CXCL16: variants seen among roughly 807,000 people sequenced by gnomAD.
CXCL16 encodes the protein C-X-C motif chemokine ligand 16.
In CXCL16, 18 loss-of-function variants were observed where a neutral mutation model predicts 23.8. The observed-to-expected ratio is 0.76, with a 90% CI of 0.52 to 1.12. CXCL16 has a LOEUF of 1.12. Among genes scored for constraint, CXCL16 ranks in the 50% most tolerant of loss-of-function variants. CXCL16 has a pLI of 0.00. For synonymous variants in CXCL16, 123 were observed against 132.5 expected (o/e 0.93, Z 0.49); for missense variants, 297 against 315.4 (o/e 0.94, Z 0.44).
Position 4,739,495 on chromosome 17 carries a change from G to C in CXCL16, c.-156C>G. Reference sequence around the variant, plus strand: ...GAGGCGCGAGCCAGCTGCACCCCCCGGCCCTGCTGTGCCCCGACCGTGCGC... The same window carrying C: ...GAGGCGCGAGCCAGCTGCACCCCCCCGCCCTGCTGTGCCCCGACCGTGCGC... On this transcript the variant is annotated 5_prime_UTR_variant, in exon 1 of 6. Transcript: ENST00000293778. The surrounding 1 kb of genome is among the most constrained non-coding windows in gnomAD (Gnocchi z 5.3). 9.2e-7 allele frequency: 1 copy of C among 1,087,774 alleles called. No individual in the cohort carries two copies. Among genetic ancestry groups the C allele is most frequent in the Non-Finnish European group, 1.3e-6 (1 of 748,304 alleles). 67.4% of individuals were successfully genotyped at this position (1,087,774 alleles called of 1,614,324 possible).
rs533130643 is a variant in CXCL16 at position 4,734,390 on chromosome 17, G to A, written c.*113C>T. 26 of 465,558 alleles carry A rather than the reference G, an allele frequency of 5.6e-5. No individual in the cohort carries two copies. The highest frequency in any genetic ancestry group is 3.9e-4 in the South Asian group (18 of 46,440). 28.8% of individuals were successfully genotyped at this position (465,558 alleles called of 1,614,324 possible). A position where few individuals can be genotyped will look rare whatever the true frequency, so the allele number is the denominator to read the frequency against. ...GTGTAGGCTGGATGTGGTAGGTGAC[G>A]CCTATAATCCTCGCACCTTCAGAGG... On this transcript the variant is annotated 3_prime_UTR_variant, in exon 6 of 6. Transcript: ENST00000293778.
At chr17:4,736,268 A>AGAAG (rs67150096) in intron 3 of CXCL16, 1 of 224 alleles carries the variant, frequency 4.5e-3, no homozygotes, top group Non-Finnish European at 0.017. Flanking sequence ...ACAGAAAAAC[A>AGAAG]GAGCAGAGTG....
In CXCL16 at chr17:4,738,748, C is replaced by G. The variant is rs1916240482; in HGVS notation, c.218+34G>C. 1.2e-6 allele frequency: 2 copies of G among 1,609,826 alleles called. No homozygotes were observed. Among genetic ancestry groups the G allele is most frequent in the African/African-American group, 1.3e-5 (1 of 74,786 alleles). On this transcript the variant is annotated intron_variant, in intron 2 of 5. Coordinates refer to ENST00000293778, the MANE Select transcript of CXCL16 (RefSeq NM_001386809.1). The surrounding 1 kb of genome is among the most constrained non-coding windows in gnomAD (Gnocchi z 4.0). ...GAGGCACCTGCAAGGAGGGGCCGCCCAGGCGCTGCCCTCGCAGAGGCAGGT... is the reference window on the plus strand; with the variant it reads ...GAGGCACCTGCAAGGAGGGGCCGCCGAGGCGCTGCCCTCGCAGAGGCAGGT...
At position 4,739,598 on chromosome 17, in the gene CXCL16, C is replaced by G. The variant is rs1567696647; in HGVS notation, c.-259G>C. On this transcript the variant is annotated 5_prime_UTR_variant, in exon 1 of 6. Coordinates refer to ENST00000293778, the MANE Select transcript of CXCL16 (RefSeq NM_001386809.1). The surrounding 1 kb of genome is among the most constrained non-coding windows in gnomAD (Gnocchi z 5.3). ...GGTGGAGCTCCCGCGCCCTGCGCCCCCGCACTGGGCCCGGCTCCGTCGAGG... is the reference window on the plus strand; with the variant it reads ...GGTGGAGCTCCCGCGCCCTGCGCCCGCGCACTGGGCCCGGCTCCGTCGAGG... The G allele has an allele frequency of 1.5e-6, 1 of 660,320 alleles. No individual in the cohort carries two copies. The highest frequency in any genetic ancestry group is 2.4e-6 in the Non-Finnish European group (1 of 414,432). 40.9% of individuals were successfully genotyped at this position (660,320 alleles called of 1,614,324 possible).
chr17:4,735,444 T>TG lies in CXCL16; in HGVS notation c.365dup (p.Ile123AsnfsTer47). On this transcript the variant is annotated frameshift_variant, in exon 4 of 6. Transcript: ENST00000293778. LOFTEE classifies it high-confidence loss of function. Reference sequence around the variant, plus strand: ...ATGCCCCCTCTGAGGCCTGAGAAATTGGGGGGCTGGTAGGAAGTAAATGCT... The same window carrying TG: ...ATGCCCCCTCTGAGGCCTGAGAAATTGGGGGGGCTGGTAGGAAGTAAATGCT... 1 of 1,513,980 alleles carries TG rather than the reference T, an allele frequency of 6.6e-7. No homozygotes were observed. Among genetic ancestry groups the TG allele is most frequent in the Non-Finnish European group, 8.9e-7 (1 of 1,128,626 alleles). 93.8% of individuals were successfully genotyped at this position (1,513,980 alleles called of 1,614,324 possible).
At position 4,738,809 on chromosome 17, in the gene CXCL16, G is replaced by A. The variant is rs988845573; in HGVS notation, c.191C>T (p.Ala64Val). Residue 64 changes from alanine (A) to valine (V), a missense_variant, in exon 2 of 6, where the codon GCT becomes GTT. Ala to Val is a moderately conservative substitution (Grantham distance 64, BLOSUM62 0). Coordinates refer to ENST00000293778, the MANE Select transcript of CXCL16 (RefSeq NM_001386809.1). This position sits in a 1 kb window ranked among gnomAD's most constrained non-coding sequence, Gnocchi z 4.0. ...CGTGTAGTATAGACACCGATGGTAA[G>A]CTCTCAGGTGTTTCCGGAGACGATT... ...FMNRLRKHLR[A>V]YHRCLYYTRF... 1.2e-6 allele frequency: 2 copies of A among 1,614,180 alleles called. No homozygotes were observed. Among genetic ancestry groups the A allele is most frequent in the Non-Finnish European group, 1.7e-6 (2 of 1,179,980 alleles).
Position 4,739,418 on chromosome 17 carries a change from C to G in CXCL16, c.-79G>C. The G allele has an allele frequency of 6.2e-7, 1 of 1,606,272 alleles. No homozygotes were observed. Among genetic ancestry groups the G allele is most frequent in the Non-Finnish European group, 8.5e-7 (1 of 1,176,668 alleles). On this transcript the variant is annotated 5_prime_UTR_variant, in exon 1 of 6. Transcript: ENST00000293778. This position sits in a 1 kb window ranked among gnomAD's most constrained non-coding sequence, Gnocchi z 5.3. Reference sequence around the variant, plus strand: ...ACATGCTCCGGCGCGTGACGTCCAGCTGGTGTCTCAATGGCTTTCGCCGGG... The same window carrying G: ...ACATGCTCCGGCGCGTGACGTCCAGGTGGTGTCTCAATGGCTTTCGCCGGG...
In CXCL16 at chr17:4,738,723, G is replaced by A; in HGVS notation, c.218+59C>T. The A allele has an allele frequency of 6.4e-7, 1 of 1,571,888 alleles. No homozygotes were observed. Among genetic ancestry groups the A allele is most frequent in the Non-Finnish European group, 8.7e-7 (1 of 1,147,396 alleles). ...TCAGGCTGGACCAGAGAGGGTCCTG[G>A]AGGCACCTGCAAGGAGGGGCCGCCC... On this transcript the variant is annotated intron_variant, in intron 2 of 5. Transcript: ENST00000293778. This position sits in a 1 kb window ranked among gnomAD's most constrained non-coding sequence, Gnocchi z 4.0.
In CXCL16 at chr17:4,739,463, C is replaced by T. The variant is rs1916278531; in HGVS notation, c.-124G>A. ...GCCGGGGACCGGAGGAGACGGCGGC[C>T]GGAGAGGAGGCGCGAGCCAGCTGCA... On this transcript the variant is annotated 5_prime_UTR_variant, in exon 1 of 6. Transcript: ENST00000293778. This position sits in a 1 kb window ranked among gnomAD's most constrained non-coding sequence, Gnocchi z 5.3. 34 of 1,472,282 alleles carry T rather than the reference C, an allele frequency of 2.3e-5. No individual in the cohort carries two copies. Among genetic ancestry groups the T allele is most frequent in the Non-Finnish European group, 3.1e-5 (33 of 1,076,442 alleles). The allele number at this position is 1,472,282 out of a possible 1,614,324, so 91.2% of individuals were successfully genotyped here. A position where few individuals can be genotyped will look rare whatever the true frequency, so the allele number is the denominator to read the frequency against.
Position 4,738,686 on chromosome 17 carries a change from C to T in CXCL16, c.218+96G>A. ...GAACCCGGAGATGGGGCTCGGTGAGCCGGGAAGGAGTTCAGGCTGGACCAG... is the reference window on the plus strand; with the variant it reads ...GAACCCGGAGATGGGGCTCGGTGAGTCGGGAAGGAGTTCAGGCTGGACCAG... On this transcript the variant is annotated intron_variant, in intron 2 of 5. Transcript: ENST00000293778. This position sits in a 1 kb window ranked among gnomAD's most constrained non-coding sequence, Gnocchi z 4.0. 1 of 1,331,640 alleles carries T rather than the reference C, an allele frequency of 7.5e-7. No individual in the cohort carries two copies. The highest frequency in any genetic ancestry group is 1.5e-5 in the African/African-American group (1 of 68,592). 82.5% of individuals were successfully genotyped at this position (1,331,640 alleles called of 1,614,324 possible). A position where few individuals can be genotyped will look rare whatever the true frequency, so the allele number is the denominator to read the frequency against.
chr17:4,737,575 TA>T (rs55694753), intron 3 of CXCL16, among the ~76,000 whole-genome samples: 11,005 of 42,120 alleles, frequency 0.26, 543 homozygotes, highest in Middle Eastern at 0.32. Context: ...AAGACTCCAT[TA>T]AAAAAAAAAA....
In CXCL16 at chr17:4,739,658, A is replaced by T. The variant is rs1916288570; in HGVS notation, c.-319T>A. 2.9e-6 allele frequency: 2 copies of T among 679,872 alleles called. No homozygotes were observed. The highest frequency in any genetic ancestry group is 8.2e-5 in the Admixed American group (2 of 24,512). 42.1% of individuals were successfully genotyped at this position (679,872 alleles called of 1,614,324 possible). A position where few individuals can be genotyped will look rare whatever the true frequency, so the allele number is the denominator to read the frequency against. On this transcript the variant is annotated 5_prime_UTR_variant, in exon 1 of 6. Coordinates refer to ENST00000293778, the MANE Select transcript of CXCL16 (RefSeq NM_001386809.1). This position sits in a 1 kb window ranked among gnomAD's most constrained non-coding sequence, Gnocchi z 5.3. ...GAATCTTGGAAGAAACCGAAAGAAAACTCCGGCGGCGGGCGAGGAGGGGCG... is the reference window on the plus strand; with the variant it reads ...GAATCTTGGAAGAAACCGAAAGAAATCTCCGGCGGCGGGCGAGGAGGGGCG...
chr17:4,737,783 G>A (rs1916198830), intron 3 of CXCL16, among the ~76,000 whole-genome samples: 1 of 150,996 alleles, frequency 6.6e-6, no homozygotes, highest in African/African-American at 2.4e-5. Context: ...TGGATATTCA[G>A]TGTGCCATTC....
intron 5 of CXCL16, 33 bp from the exon 6 acceptor site, chr17:4,734,512 A>G (rs1426236513): frequency 2.9e-6 from 3 of 1,019,534 alleles, no homozygotes; most frequent in South Asian, 1.3e-5. Context: ...AAGTATGTAT[A>G]CAGTGCCTAC....
At position 4,739,102 on chromosome 17, in the gene CXCL16, G is replaced by T; in HGVS notation, c.79+159C>A. ...TCCATAATCCCGCCCGGAGCCAGGC[G>T]TCCCCGGGCCTCTGTCCCCAACCCC... On this transcript the variant is annotated intron_variant, in intron 1 of 5. Coordinates refer to ENST00000293778, the MANE Select transcript of CXCL16 (RefSeq NM_001386809.1). This position sits in a 1 kb window ranked among gnomAD's most constrained non-coding sequence, Gnocchi z 5.3. The T allele has an allele frequency of 8.3e-7, 1 of 1,203,500 alleles. No homozygotes were observed. Among genetic ancestry groups the T allele is most frequent in the Non-Finnish European group, 1.2e-6 (1 of 869,174 alleles). The allele number at this position is 1,203,500 out of a possible 1,614,324, so 74.6% of individuals were successfully genotyped here. A position where few individuals can be genotyped will look rare whatever the true frequency, so the allele number is the denominator to read the frequency against.
At chr17:4,737,373 T>TTGC (rs1916184348) in intron 3 of CXCL16, among the ~76,000 whole-genome samples, 1 of 144,310 alleles carries the variant, frequency 6.9e-6, no homozygotes, top group Non-Finnish European at 1.5e-5. Context: ...AGGTCAGGAG[T>TTGC]TTGAGACCAG....
chr17:4,736,805 ATAT>A (rs1381932091), intron 3 of CXCL16, among the ~76,000 whole-genome samples: 36 of 152,252 alleles, frequency 2.4e-4, no homozygotes, highest in African/African-American at 8.4e-4. Context: ...GACTTCACAG[ATAT>A]TATTGCTTAG....
intron 3 of CXCL16, 61 bp from the exon 4 acceptor site, chr17:4,735,569 A>C: frequency 1.4e-6 from 2 of 1,391,896 alleles, no homozygotes; most frequent in Non-Finnish European, 1.9e-6. Flanking sequence ...AAGCAGATAG[A>C]GGTGTAGGGG....
Position 4,738,576 on chromosome 17 carries a change from C to A in CXCL16, c.219-86G>T. The A allele has an allele frequency of 8.8e-7, 1 of 1,135,160 alleles. No individual in the cohort carries two copies. Among genetic ancestry groups the A allele is most frequent in the Middle Eastern group, 2.7e-4 (1 of 3,678 alleles). 70.3% of individuals were successfully genotyped at this position (1,135,160 alleles called of 1,614,324 possible). Reference sequence around the variant, plus strand: ...CATTCCAGAGGCGTGAAGTTGCCACCAAGAAAGAGCCCTTTCTCCTGGGAC... The same window carrying A: ...CATTCCAGAGGCGTGAAGTTGCCACAAAGAAAGAGCCCTTTCTCCTGGGAC... On this transcript the variant is annotated intron_variant, in intron 2 of 5. Transcript: ENST00000293778. This position sits in a 1 kb window ranked among gnomAD's most constrained non-coding sequence, Gnocchi z 4.0.
Sources: gnomAD v4.1 joint callset for allele counts (sites outside exome capture counted in the v4.1 genomes callset) on GRCh38, gnomAD v4.1.1 for gene constraint, Gnocchi (gnomAD v3.1) non-coding constraint, MANE v1.5 for transcripts, NCBI Gene and HGNC (gene_info 2026-07-23, HGNC 2026-07-21) for gene names.